The following COX7B2 variants were observed in gnomAD, a reference collection of about 807,000 sequenced individuals.
COX7B2 encodes the protein cytochrome c oxidase subunit 7B2, mitochondrial.
For synonymous variants in COX7B2, 37 were observed against 32.1 expected (o/e 1.15, Z -0.51); for missense variants, 109 against 95.9 (o/e 1.14, Z -0.57).
chr4:46,891,446 G>A (rs1414067937), intron 1 of COX7B2, among the ~76,000 whole-genome samples: 1 of 152,126 alleles, frequency 6.6e-6, no homozygotes, highest in Non-Finnish European at 1.5e-5. Flanking sequence ...ATATTGACAG[G>A]GAGCAGCAAT....
chr4:46,836,131 G>A (rs1715497938), intron 2 of COX7B2, among the ~76,000 whole-genome samples: 1 of 152,064 alleles, frequency 6.6e-6, no homozygotes, highest in African/African-American at 2.4e-5. Flanking sequence ...GTACACTACT[G>A]TAGACTTTAT....
intron 2 of COX7B2, among the ~76,000 whole-genome samples, chr4:46,779,636 TC>T (rs1039067703): frequency 6.6e-5 from 10 of 152,196 alleles, no homozygotes; most frequent in African/African-American, 1.9e-4. Flanking sequence ...CAATCTACAT[TC>T]CCACCAACAG....
intron 2 of COX7B2, among the ~76,000 whole-genome samples, chr4:46,794,909 A>G (rs1293095850): frequency 1.3e-5 from 2 of 152,244 alleles, no homozygotes; most frequent in Admixed American, 1.3e-4. Flanking sequence ...AACCTGAAGC[A>G]TAAAAACAGA....
At chr4:46,889,271 T>C (rs924042420) in intron 1 of COX7B2, among the ~76,000 whole-genome samples, 2 of 152,218 alleles carry the variant, frequency 1.3e-5, no homozygotes, top group African/African-American at 4.8e-5. Flanking sequence ...CTAGGACTTC[T>C]AACAACTGGC....
chr4:46,870,600 A>G (rs1323027839), intron 1 of COX7B2, among the ~76,000 whole-genome samples: 2 of 152,156 alleles, frequency 1.3e-5, no homozygotes, highest in East Asian at 3.9e-4. Flanking sequence ...TCTCAGCCCA[A>G]AAGCTCTGCC....
intron 2 of COX7B2, among the ~76,000 whole-genome samples, chr4:46,826,367 T>C: frequency 6.6e-6 from 1 of 152,044 alleles, no homozygotes; most frequent in Middle Eastern, 3.4e-3. Context: ...GTTCAGAAAA[T>C]AACACATTTT....
chr4:46,862,500 G>A (rs1441272950), intron 1 of COX7B2, among the ~76,000 whole-genome samples: 1 of 152,148 alleles, frequency 6.6e-6, no homozygotes, highest in Non-Finnish European at 1.5e-5. Context: ...TAGCGCAAAT[G>A]AATATTCATA....
At chr4:46,807,476 C>T (rs1348472404) in intron 2 of COX7B2, among the ~76,000 whole-genome samples, 3 of 151,858 alleles carry the variant, frequency 2.0e-5, no homozygotes, top group African/African-American at 4.8e-5. Flanking sequence ...TTTTGCTTTG[C>T]TATTTTCTTT....
chr4:46,742,852 A>G (rs188954584), intron 2 of COX7B2, among the ~76,000 whole-genome samples: 19 of 152,306 alleles, frequency 1.2e-4, no homozygotes, highest in Middle Eastern at 3.4e-3. Context: ...GTCTAAATGA[A>G]CAGATCATTT....
chr4:46,818,356 G>A (rs759051802), intron 2 of COX7B2, among the ~76,000 whole-genome samples: 7 of 152,068 alleles, frequency 4.6e-5, no homozygotes, highest in Admixed American at 3.3e-4. Context: ...ACTGGAAGCC[G>A]GGCGCCGTGG....
chr4:46,822,308 G>A (rs1213059410), intron 2 of COX7B2, among the ~76,000 whole-genome samples: 2 of 151,926 alleles, frequency 1.3e-5, no homozygotes, highest in Non-Finnish European at 2.9e-5. Context: ...CATGGCGTAA[G>A]CCTCAAAAGT....
chr4:46,761,358 A>C (rs1716134500), intron 2 of COX7B2, among the ~76,000 whole-genome samples: 1 of 152,184 alleles, frequency 6.6e-6, no homozygotes, highest in African/African-American at 2.4e-5. Flanking sequence ...GTATCCATTA[A>C]AGAGCTGGCA....
chr4:46,863,467 T>C (rs560560900), intron 1 of COX7B2, among the ~76,000 whole-genome samples: 2 of 152,312 alleles, frequency 1.3e-5, no homozygotes, highest in Admixed American at 6.5e-5. Flanking sequence ...TAGAAGGGAA[T>C]TGTTTATAAT....
intron 2 of COX7B2, among the ~76,000 whole-genome samples, chr4:46,762,240 ATAT>A (rs1716202919): frequency 7.0e-6 from 1 of 142,512 alleles, no homozygotes; most frequent in African/African-American, 2.6e-5. Context: ...TATATTAAAT[ATAT>A]TATATATTTA....
chr4:46,772,989 A>G (rs1716958704), intron 2 of COX7B2, among the ~76,000 whole-genome samples: 1 of 152,174 alleles, frequency 6.6e-6, no homozygotes, highest in Non-Finnish European at 1.5e-5. Flanking sequence ...AAACCAGAAA[A>G]ATAATGGAAA....
chr4:46,735,135 G>A lies in COX7B2; in HGVS notation c.58C>T (p.Gln20Ter). The change falls in exon 3 of 3, where the codon CAA becomes TAA. Residue 20 changes from glutamine to a stop codon, truncating the protein, a stop_gained. Coordinates refer to ENST00000355591, the MANE Select transcript of COX7B2 (RefSeq NM_130902.3). LOFTEE classifies it low-confidence loss of function (END_TRUNC). ...ACATGGCTATGTCTTGCCATGCTTT[G>A]CAGAATGCTTTGAATCTTGAGACTG... ...LSSLKIQSIL[Q>*]SMARHSHVKH... The A allele has an allele frequency of 1.9e-6, 3 of 1,613,530 alleles. No homozygotes were observed. The highest frequency in any genetic ancestry group is 2.5e-6 in the Non-Finnish European group (3 of 1,179,760).
chr4:46,807,765 T>C (rs1219439421), intron 2 of COX7B2, among the ~76,000 whole-genome samples: 1 of 151,914 alleles, frequency 6.6e-6, no homozygotes, highest in African/African-American at 2.4e-5. Context: ...CCCAGCACCA[T>C]CTTTTAAAGG....
chr4:46,831,841 A>C (rs749712467), intron 2 of COX7B2, among the ~76,000 whole-genome samples: 1 of 152,146 alleles, frequency 6.6e-6, no homozygotes, highest in Non-Finnish European at 1.5e-5. Context: ...TCTGGTGAGG[A>C]CTTGGAGAAC....
chr4:46,855,253 G>A (rs1716940900), intron 1 of COX7B2, among the ~76,000 whole-genome samples: 1 of 152,082 alleles, frequency 6.6e-6, no homozygotes, highest in African/African-American at 2.4e-5. Context: ...TTGAACCCAG[G>A]AGGCAGATTT....
Sources: gnomAD v4.1 joint callset for allele counts (sites outside exome capture counted in the v4.1 genomes callset) on GRCh38, gnomAD v4.1.1 for gene constraint, MANE v1.5 for transcripts, NCBI Gene and HGNC (gene_info 2026-07-23, HGNC 2026-07-21) for gene names.